The following FBXO11 variants were observed in gnomAD, a reference collection of about 807,000 sequenced individuals.
The protein encoded by FBXO11 is F-box protein 11.
FBXO11 carries 13 observed loss-of-function variants against 117.0 expected under a neutral mutation model. That is an observed-to-expected ratio of 0.11 (90% CI 0.07 to 0.18). FBXO11 has a LOEUF of 0.18. Among genes scored for constraint, FBXO11 ranks in the 10% least tolerant of loss-of-function variants. The probability of loss-of-function intolerance (pLI) is 1.00; values close to 1 mark genes in which losing one functional copy is unlikely to be tolerated. For missense variants in FBXO11, 767 were observed against 1,164.4 expected, an observed-to-expected ratio of 0.66 and a Z score of 4.97; for synonymous variants, 490 against 380.5, an observed-to-expected ratio of 1.29 and a Z score of -3.35.
intron 20 of FBXO11, 145 bp downstream of exon 20, chr2:47,809,455 G>T: frequency 1.4e-6 from 1 of 708,962 alleles, no homozygotes; most frequent in Non-Finnish European, 2.3e-6. Flanking sequence ...CAACCATTTA[G>T]AACCAAAGCT....
chr2:47,841,417 A>G (rs1018224932), intron 1 of FBXO11, among the ~76,000 whole-genome samples: 6 of 152,112 alleles, frequency 3.9e-5, no homozygotes, highest in African/African-American at 1.4e-4. Flanking sequence ...ATGAGTACCA[A>G]TAGTTTGTAA....
chr2:47,855,920 C>A (rs1299807799), intron 1 of FBXO11, among the ~76,000 whole-genome samples: 3 of 151,100 alleles, frequency 2.0e-5, no homozygotes, highest in Admixed American at 1.3e-4. Context: ...GATGAGCCTA[C>A]AACAGAAGAC....
intron 21 of FBXO11, 132 bp downstream of exon 21, chr2:47,809,026 G>A (rs1670430065): frequency 1.7e-6 from 1 of 587,338 alleles, no homozygotes; most frequent in Admixed American, 3.4e-5. Flanking sequence ...CGATCTTCAA[G>A]TAGATTGATG....
chr2:47,828,938 G>A (rs563016827), intron 11 of FBXO11, among the ~76,000 whole-genome samples: 2 of 152,194 alleles, frequency 1.3e-5, no homozygotes, highest in South Asian at 4.1e-4. Context: ...TTTTGACAGA[G>A]TCTCACTCCT....
At chr2:47,903,868 A>C (rs945524244) in intron 1 of FBXO11, among the ~76,000 whole-genome samples, 9 of 152,236 alleles carry the variant, frequency 5.9e-5, no homozygotes, top group Admixed American at 4.6e-4. Context: ...TGATAGACAT[A>C]TGTGAAAGGA....
intron 1 of FBXO11, among the ~76,000 whole-genome samples, chr2:47,887,422 C>T (rs551224939): frequency 8.6e-5 from 13 of 151,298 alleles, no homozygotes; most frequent in Admixed American, 7.9e-4. Flanking sequence ...AACAAAATAA[C>T]TGACTTTCCC....
chr2:47,900,693 TATAC>T (rs1220177019), intron 1 of FBXO11, among the ~76,000 whole-genome samples: 1 of 106,688 alleles, frequency 9.4e-6, no homozygotes, highest in Non-Finnish European at 2.0e-5. Flanking sequence ...TACACACACG[TATAC>T]ACACACGTGT....
chr2:47,835,489 A>T (rs1672484078), intron 5 of FBXO11, among the ~76,000 whole-genome samples: 1 of 151,996 alleles, frequency 6.6e-6, no homozygotes, highest in South Asian at 2.1e-4. Flanking sequence ...TGTTCATTAA[A>T]ACCTACTCAA....
In FBXO11 at chr2:47,905,781, T is replaced by G. The variant is rs1307701273; in HGVS notation, c.-61A>C. 1.1e-5 allele frequency: 14 copies of G among 1,282,384 alleles called. No individual in the cohort carries two copies. Among genetic ancestry groups the G allele is most frequent in the African/African-American group, 1.7e-5 (1 of 60,586 alleles). 79.4% of individuals were successfully genotyped at this position (1,282,384 alleles called of 1,614,324 possible). ...ACACACACGCACACGCACAGCGAGC[T>G]TCGGGGCAGGAGAAAGGGGTGGGGA... On this transcript the variant is annotated 5_prime_UTR_variant, in exon 1 of 23. Coordinates refer to ENST00000403359, the MANE Select transcript of FBXO11 (RefSeq NM_001190274.2).
intron 11 of FBXO11, among the ~76,000 whole-genome samples, chr2:47,826,690 A>T (rs1042613985): frequency 6.6e-6 from 1 of 151,914 alleles, no homozygotes; most frequent in African/African-American, 2.4e-5. Context: ...AATTTTTTGG[A>T]TTTTTTTCTC....
chr2:47,870,805 G>T (rs533265030), intron 1 of FBXO11, among the ~76,000 whole-genome samples: 1 of 152,306 alleles, frequency 6.6e-6, no homozygotes, highest in South Asian at 2.1e-4. Flanking sequence ...CTGATATGTG[G>T]AACACACAGG....
chr2:47,899,257 G>C (rs1261172064), intron 1 of FBXO11, among the ~76,000 whole-genome samples: 4 of 133,886 alleles, frequency 3.0e-5, no homozygotes, highest in Admixed American at 1.7e-4. Context: ...CTGGGCGACA[G>C]AGCAAGACTC....
intron 1 of FBXO11, among the ~76,000 whole-genome samples, chr2:47,894,719 AG>A (rs1160581586): frequency 6.6e-6 from 1 of 152,234 alleles, no homozygotes; most frequent in Non-Finnish European, 1.5e-5. Flanking sequence ...TAAAATTAAA[AG>A]AACTATTAAA....
chr2:47,814,080 A>T, intron 16 of FBXO11: 2 of 463,926 alleles, frequency 4.3e-6, no homozygotes, highest in Non-Finnish European at 7.8e-6. Flanking sequence ...ATTATTGTAG[A>T]GTTTCCTAAC....
At chr2:47,888,412 T>A (rs377440058) in intron 1 of FBXO11, among the ~76,000 whole-genome samples, 12 of 152,196 alleles carry the variant, frequency 7.9e-5, no homozygotes, top group African/African-American at 2.9e-4. Flanking sequence ...TCCAAGATAA[T>A]TTTAAAGTAT....
rs957283577 is a variant in FBXO11 at position 47,839,894 on chromosome 2, A to T, written c.233-125T>A. ...GATGTAAGTTTTATATGAAATTCCA[A>T]CCAACTGGATAGCTATATGAAAGAA... On this transcript the variant is annotated intron_variant, in intron 1 of 22. Coordinates refer to ENST00000403359, the MANE Select transcript of FBXO11 (RefSeq NM_001190274.2). 17 of 743,792 alleles carry T rather than the reference A, an allele frequency of 2.3e-5. No individual in the cohort carries two copies. The East Asian group carries it at 3.1e-4, about 14-fold the overall frequency. The allele number at this position is 743,792 out of a possible 1,614,324, so 46.1% of individuals were successfully genotyped here.
chr2:47,862,463 A>AT (rs1288750702), intron 1 of FBXO11, among the ~76,000 whole-genome samples: 2 of 152,080 alleles, frequency 1.3e-5, no homozygotes, highest in African/African-American at 2.4e-5. Context: ...TTTATTTTTT[A>AT]TTTTTTTAAG....
chr2:47,835,485 T>C (rs561162502), intron 5 of FBXO11, among the ~76,000 whole-genome samples: 54 of 152,266 alleles, frequency 3.5e-4, no homozygotes, highest in Non-Finnish European at 2.5e-4. Context: ...TAAATGTTCA[T>C]TAAAACCTAC....
intron 18 of FBXO11, 188 bp downstream of exon 18, chr2:47,813,046 A>G: frequency 1.6e-6 from 1 of 623,450 alleles, no homozygotes; most frequent in Admixed American, 2.8e-5. Context: ...TGGCTACAAA[A>G]GGAAAAGTAT....
Sources: allele counts gnomAD v4.1 joint callset (sites outside exome capture counted in the v4.1 genomes callset), GRCh38; gene constraint gnomAD v4.1.1; transcripts MANE v1.5; gene names NCBI Gene and HGNC (gene_info 2026-07-23, HGNC 2026-07-21).